The following SPHK1 variants were observed in gnomAD, a reference collection of about 807,000 sequenced individuals.
SPHK1 encodes the protein sphingosine kinase 1, also known as SK 1.
SPHK1 carries 10 observed loss-of-function variants against 14.6 expected under a neutral mutation model. That is an observed-to-expected ratio of 0.68 (90% CI 0.42 to 1.16). The LOEUF is 1.16. SPHK1 is among the 50% of genes most tolerant of loss of function. The pLI is 0.00. For synonymous variants in SPHK1, 274 were observed against 224.0 expected, an observed-to-expected ratio of 1.22 and a Z score of -1.99; for missense variants, 553 against 525.4, an observed-to-expected ratio of 1.05 and a Z score of -0.51.
chr17:76,386,798 C>A lies in SPHK1; in HGVS notation c.375-8C>A. 6.5e-7 allele frequency: 1 copy of A among 1,530,008 alleles called. No individual in the cohort carries two copies. The highest frequency in any genetic ancestry group is 8.8e-7 in the Non-Finnish European group (1 of 1,138,410). 94.8% of individuals were successfully genotyped at this position (1,530,008 alleles called of 1,614,324 possible). Reference sequence around the variant, plus strand: ...TGTCCTGCCTTATCTGACTTTTTCCCCCTGCAGCTATGAGCAGGTCACCAA... The same window carrying A: ...TGTCCTGCCTTATCTGACTTTTTCCACCTGCAGCTATGAGCAGGTCACCAA... On this transcript the variant is annotated splice_polypyrimidine_tract_variant and splice_region_variant and intron_variant, in intron 5 of 5. Coordinates refer to ENST00000592299, the MANE Select transcript of SPHK1 (RefSeq NM_001142601.2). This position sits in a 1 kb window ranked among gnomAD's most constrained non-coding sequence, Gnocchi z 5.3.
chr17:76,386,040 C>A lies in SPHK1; in HGVS notation c.66C>A (p.Asn22Lys). 1 of 1,608,106 alleles carries A rather than the reference C, an allele frequency of 6.2e-7. No homozygotes were observed. The highest frequency in any genetic ancestry group is 8.5e-7 in the Non-Finnish European group (1 of 1,177,280). ...CCTGCCGCGTGCTGGTGCTGCTGAA[C>A]CCGCGCGGCGGCAAGGGCAAGGCCT... ...PRPCRVLVLL[N>K]PRGGKGKALQ... is the part of the protein sequence containing the mutation. The change falls in exon 3 of 6, where the codon AAC (asparagine) becomes AAA (lysine). Residue 22 changes from asparagine to lysine, a missense_variant. By Grantham distance (94) the Asn-to-Lys change is moderately conservative. Coordinates refer to ENST00000592299, the MANE Select transcript of SPHK1 (RefSeq NM_001142601.2). The surrounding 1 kb of genome is among the most constrained non-coding windows in gnomAD (Gnocchi z 5.3).
At position 76,386,021 on chromosome 17, in the gene SPHK1, G is replaced by A. The variant is rs767690608; in HGVS notation, c.47G>A (p.Arg16His). 1.9e-6 allele frequency: 3 copies of A among 1,605,212 alleles called. No individual in the cohort carries two copies. The Admixed American group carries it at 5.0e-5, about 27-fold the overall frequency. Reference protein sequence around the residue: ...GPRGVLPRPCRVLVLLNPRGG... With the variant: ...GPRGVLPRPCHVLVLLNPRGG... ...CGGGGCGTGCTCCCGCGGCCCTGCCGCGTGCTGGTGCTGCTGAACCCGCGC... is the reference window on the plus strand; with the variant it reads ...CGGGGCGTGCTCCCGCGGCCCTGCCACGTGCTGGTGCTGCTGAACCCGCGC... Residue 16 changes from arginine (R) to histidine (H), a missense_variant, in exon 3 of 6, where the codon CGC (arginine) becomes CAC (histidine). Arg to His is a conservative substitution (Grantham distance 29). Coordinates refer to ENST00000592299, the MANE Select transcript of SPHK1 (RefSeq NM_001142601.2). The surrounding 1 kb of genome is among the most constrained non-coding windows in gnomAD (Gnocchi z 5.3).
chr17:76,386,431 C>T lies in SPHK1; in HGVS notation c.297C>T (p.Thr99=), dbSNP rs1449426291. ...TCATGGAGCGGCCTGACTGGGAGACCGCCATCCAGAAGCCCCTGTGTAGCC... is the reference window on the plus strand; with the variant it reads ...TCATGGAGCGGCCTGACTGGGAGACTGCCATCCAGAAGCCCCTGTGTAGCC... The part of the protein sequence containing the change: ...NGLMERPDWE[T]AIQKPLCSLP... The change falls in exon 5 of 6, where the codon ACC becomes ACT. Residue 99 remains threonine, a synonymous_variant. Transcript: ENST00000592299. This position sits in a 1 kb window ranked among gnomAD's most constrained non-coding sequence, Gnocchi z 5.3. 4 of 1,612,790 alleles carry T rather than the reference C, an allele frequency of 2.5e-6. No homozygotes were observed. Among genetic ancestry groups the T allele is most frequent in the Non-Finnish European group, 3.4e-6 (4 of 1,179,906 alleles).
Position 76,386,545 on chromosome 17 carries a change from C to T in SPHK1, c.374+37C>T, listed in dbSNP as rs1408394267. The stretch of plus-strand genomic sequence containing the variant: ...GGGCCAGAGTAGGCCTGTTTCCCGT[C>T]AGTGCTCCTCTACCGCGGGGGTTTT... On this transcript the variant is annotated intron_variant, in intron 5 of 5. Coordinates refer to ENST00000592299, the MANE Select transcript of SPHK1 (RefSeq NM_001142601.2). This position sits in a 1 kb window ranked among gnomAD's most constrained non-coding sequence, Gnocchi z 5.3. The T allele has an allele frequency of 1.9e-6, 3 of 1,565,000 alleles. No homozygotes were observed. The highest frequency in any genetic ancestry group is 8.7e-7 in the Non-Finnish European group (1 of 1,146,038).
At chr17:76,383,876 G>T (rs1445411501), upstream of SPHK1, 4 of 1,274,756 alleles carry the variant, frequency 3.1e-6, no homozygotes, top group South Asian at 1.3e-5. Flanking sequence ...CCCGACGGGG[G>T]CCCCCAGGCC....
rs1362050207 is a variant in SPHK1 at position 76,386,516 on chromosome 17, C to T, written c.374+8C>T. The T allele has an allele frequency of 5.6e-6, 9 of 1,608,994 alleles. No homozygotes were observed. Among genetic ancestry groups the T allele is most frequent in the Non-Finnish European group, 7.6e-6 (9 of 1,178,016 alleles). On this transcript the variant is annotated splice_region_variant and intron_variant, in intron 5 of 5. Transcript: ENST00000592299. The surrounding 1 kb of genome is among the most constrained non-coding windows in gnomAD (Gnocchi z 5.3). ...CTTGAACCATTATGCTGGGTGAGAGCCCAGGGCCAGAGTAGGCCTGTTTCC... is the reference window on the plus strand; with the variant it reads ...CTTGAACCATTATGCTGGGTGAGAGTCCAGGGCCAGAGTAGGCCTGTTTCC...
chr17:76,386,395 G>T lies in SPHK1; in HGVS notation c.261G>T (p.Val87=), dbSNP rs775648237. The change falls in exon 5 of 6, where the codon GTG becomes GTT. Residue 87 remains valine (V), a splice_region_variant and synonymous_variant. Coordinates refer to ENST00000592299, the MANE Select transcript of SPHK1 (RefSeq NM_001142601.2). This position sits in a 1 kb window ranked among gnomAD's most constrained non-coding sequence, Gnocchi z 5.3. ...VMSGDGLMHE[V]VNGLMERPDW... is the part of the protein sequence containing the mutation. ...TGAGGCCACGTGTGCTTCAACAGGT[G>T]GTGAACGGGCTCATGGAGCGGCCTG... is the stretch of plus-strand genomic sequence containing the variant. 1 of 1,610,948 alleles carries T rather than the reference G, an allele frequency of 6.2e-7. No homozygotes were observed. Among genetic ancestry groups the T allele is most frequent in the African/African-American group, 1.3e-5 (1 of 75,024 alleles).
chr17:76,384,480 C>T (rs1346063324), upstream of SPHK1: 1 of 149,998 alleles, frequency 6.7e-6, no homozygotes, highest in Non-Finnish European at 1.5e-5. Flanking sequence ...CAGCTCGTGG[C>T]CCGGCCGTGG....
Position 76,386,099 on chromosome 17 carries a change from T to C in SPHK1, c.125T>C (p.Leu42Ser), listed in dbSNP as rs1190345210. 6 of 1,602,096 alleles carry C rather than the reference T, an allele frequency of 3.7e-6. No individual in the cohort carries two copies. Among genetic ancestry groups the C allele is most frequent in the Non-Finnish European group, 5.1e-6 (6 of 1,173,666 alleles). ...TTCCGGAGTCACGTGCAGCCCCTTT[T>C]GGCTGAGGCTGAAATCTCCTTCACG... ...QLFRSHVQPL[L>S]AEAEISFTLM... Residue 42 changes from leucine to serine, a missense_variant, in exon 3 of 6, where the codon TTG becomes TCG. Leu to Ser is a moderately radical substitution (Grantham distance 145, BLOSUM62 -2). Transcript: ENST00000592299. This position sits in a 1 kb window ranked among gnomAD's most constrained non-coding sequence, Gnocchi z 5.3.
chr17:76,387,793 G>C lies in SPHK1; in HGVS notation c.*207G>C, dbSNP rs190910088. 6.6e-4 allele frequency: 380 copies of C among 580,142 alleles called. No homozygotes were observed. The highest frequency in any genetic ancestry group is 5.2e-3 in the African/African-American group (282 of 53,752). 35.9% of individuals were successfully genotyped at this position (580,142 alleles called of 1,614,324 possible). ...GGCTGGGCCCAGCTGCCTATGTAAG[G>C]CCTTCTAGTTTGTTCTGAGACCCCC... On this transcript the variant is annotated 3_prime_UTR_variant, in exon 6 of 6. Transcript: ENST00000592299. This position sits in a 1 kb window ranked among gnomAD's most constrained non-coding sequence, Gnocchi z 4.1.
At chr17:76,383,752 G>A (rs1188907230), upstream of SPHK1, 3 of 973,760 alleles carry the variant, frequency 3.1e-6, no homozygotes, top group East Asian at 6.4e-5. Flanking sequence ...ACTGACAAAC[G>A]CGTCCCTACT....
upstream of SPHK1, chr17:76,383,765 C>T (rs939957744): frequency 1.9e-5 from 21 of 1,107,296 alleles, no homozygotes; most frequent in Non-Finnish European, 2.5e-5. Context: ...TCCCTACTGG[C>T]CTCCAAAGAA....
Position 76,385,670 on chromosome 17 carries a change from G to C in SPHK1, c.10+16G>C. 6.5e-7 allele frequency: 1 copy of C among 1,531,870 alleles called. No individual in the cohort carries two copies. The highest frequency in any genetic ancestry group is 8.7e-7 in the Non-Finnish European group (1 of 1,143,636). 94.9% of individuals were successfully genotyped at this position (1,531,870 alleles called of 1,614,324 possible). A position where few individuals can be genotyped will look rare whatever the true frequency, so the allele number is the denominator to read the frequency against. ...ATGGATCCAGGTTTGTGGGGTTCCT[G>C]CTGGGAAGGGCTGTAGGGGGATTCC... On this transcript the variant is annotated intron_variant, in intron 2 of 5. Transcript: ENST00000592299. The surrounding 1 kb of genome is among the most constrained non-coding windows in gnomAD (Gnocchi z 5.3).
chr17:76,383,700 G>T, upstream of SPHK1: 1 of 541,704 alleles, frequency 1.8e-6, no homozygotes, highest in Non-Finnish European at 3.0e-6. Flanking sequence ...GGTGCTCGCG[G>T]ACACGTTCTG....
In SPHK1 at chr17:76,387,397, G is replaced by A. The variant is rs1342696945; in HGVS notation, c.966G>A (p.Val322=). The change falls in exon 6 of 6, where the codon GTG becomes GTA. Residue 322 remains valine (V), a synonymous_variant. Transcript: ENST00000592299. This position sits in a 1 kb window ranked among gnomAD's most constrained non-coding sequence, Gnocchi z 4.1. ...ATGAATGCCCCTACTTGGTATATGT[G>A]CCCGTGGTCGCCTTCCGCTTGGAGC... is the stretch of plus-strand genomic sequence containing the variant. ...MEYECPYLVY[V]PVVAFRLEPK... The A allele has an allele frequency of 1.2e-6, 2 of 1,613,706 alleles. No homozygotes were observed. The highest frequency in any genetic ancestry group is 1.7e-6 in the Non-Finnish European group (2 of 1,180,010).
Position 76,387,194 on chromosome 17 carries a change from G to A in SPHK1, c.763G>A (p.Glu255Lys), listed in dbSNP as rs766097742. The A allele has an allele frequency of 1.9e-6, 3 of 1,613,098 alleles. No homozygotes were observed. The highest frequency in any genetic ancestry group is 1.7e-5 in the Admixed American group (1 of 59,964). Residue 255 changes from glutamate (E) to lysine (K), a missense_variant, in exon 6 of 6, where the codon GAG becomes AAG. By Grantham distance (56) the Glu-to-Lys change is moderately conservative (BLOSUM62 1). Coordinates refer to ENST00000592299, the MANE Select transcript of SPHK1 (RefSeq NM_001142601.2). This position sits in a 1 kb window ranked among gnomAD's most constrained non-coding sequence, Gnocchi z 4.1. ...CTCTCACTGGACAGTGGTGCCCGAC[G>A]AGGACTTTGTGCTAGTCCTGGCACT... ...VPSHWTVVPD[E>K]DFVLVLALLH...
rs759546755 is a variant in SPHK1 at position 76,385,520 on chromosome 17, A to G, written c.-125A>G. 1.3e-5 allele frequency: 20 copies of G among 1,546,036 alleles called. No homozygotes were observed. The highest frequency in any genetic ancestry group is 7.6e-5 in the Admixed American group (4 of 52,776). On this transcript the variant is annotated 5_prime_UTR_variant, in exon 2 of 6. Transcript: ENST00000592299. The surrounding 1 kb of genome is among the most constrained non-coding windows in gnomAD (Gnocchi z 5.3). The stretch of plus-strand genomic sequence containing the variant: ...GCTCCGGGCGGGGAAGGCGAGCCCC[A>G]CAGCCGGCCCTGCGACGCCCGCCTG...
rs2072013176 is a variant in SPHK1, at chr17:76,387,419, G to C, written c.988G>C (p.Glu330Gln). Residue 330 changes from glutamate (E) to glutamine (Q), a missense_variant, in exon 6 of 6, where the codon GAG becomes CAG. By Grantham distance (29) the Glu-to-Gln change is conservative (BLOSUM62 2). Coordinates refer to ENST00000592299, the MANE Select transcript of SPHK1 (RefSeq NM_001142601.2). This position sits in a 1 kb window ranked among gnomAD's most constrained non-coding sequence, Gnocchi z 4.1. ...VYVPVVAFRL[E>Q]PKDGKGVFAV... ...TGTGCCCGTGGTCGCCTTCCGCTTG[G>C]AGCCCAAGGATGGGAAAGGTGTGTT... The C allele has an allele frequency of 6.2e-7, 1 of 1,613,848 alleles. No individual in the cohort carries two copies. The highest frequency in any genetic ancestry group is 2.2e-5 in the East Asian group (1 of 44,866).
In SPHK1 at chr17:76,385,651, C is replaced by T; in HGVS notation, c.7C>T (p.Pro3Ser). 6.5e-7 allele frequency: 1 copy of T among 1,537,086 alleles called. No individual in the cohort carries two copies. MD[P>S]AGGPRGVLPR... The stretch of plus-strand genomic sequence containing the variant: ...GGAGCCGCGGGTCGAGGTTATGGAT[C>T]CAGGTTTGTGGGGTTCCTGCTGGGA... The change falls in exon 2 of 6, where the codon CCA becomes TCA. Residue 3 changes from proline to serine, a missense_variant. Transcript: ENST00000592299. This position sits in a 1 kb window ranked among gnomAD's most constrained non-coding sequence, Gnocchi z 5.3.
Sources: allele counts gnomAD v4.1 joint callset, GRCh38; gene constraint gnomAD v4.1.1; non-coding constraint Gnocchi (gnomAD v3.1); transcripts MANE v1.5; gene names NCBI Gene and HGNC (gene_info 2026-07-23, HGNC 2026-07-21).